MAPK10: variants seen among roughly 807,000 people sequenced by gnomAD.
MAPK10 encodes the protein mitogen-activated protein kinase 10.
In MAPK10, 25 loss-of-function variants were observed where a neutral mutation model predicts 59.3. The ratio of observed to expected loss-of-function variants is 0.42; its 90% confidence interval spans 0.31 to 0.59. The LOEUF is 0.59. Ranked by LOEUF, MAPK10 falls within the 20% of genes least tolerant of loss-of-function variation. The probability of loss-of-function intolerance (pLI) is 0.15; values close to 1 mark genes in which losing one functional copy is unlikely to be tolerated. For missense variants in MAPK10, 351 were observed against 568.9 expected (o/e 0.62, Z 3.90); for synonymous variants, 190 against 200.5 (o/e 0.95, Z 0.44).
intron 2 of MAPK10, among the ~76,000 whole-genome samples, chr4:86,331,538 TTC>T (rs2096154424): frequency 6.6e-6 from 1 of 152,046 alleles, no homozygotes; most frequent in South Asian, 2.1e-4. Context: ...AACCACATGT[TTC>T]TCTCTCTCAG....
At chr4:86,117,633 C>G (rs949686679) in intron 4 of MAPK10, 5 of 152,172 alleles carry the variant, frequency 3.3e-5, no homozygotes, top group Non-Finnish European at 7.3e-5. Flanking sequence ...ACTCTGGATC[C>G]AAGTAAGATC....
chr4:86,091,630 C>T (rs1196343787), intron 9 of MAPK10, among the ~76,000 whole-genome samples: 1 of 126,244 alleles, frequency 7.9e-6, no homozygotes, highest in Non-Finnish European at 1.6e-5. Context: ...AAATTAAATT[C>T]TGGTCTCTAT....
At chr4:86,417,105 T>C (rs140630829) in intron 1 of MAPK10, among the ~76,000 whole-genome samples, 15 of 152,384 alleles carry the variant, frequency 9.8e-5, no homozygotes, top group Non-Finnish European at 1.6e-4. Context: ...CTGGTACTCA[T>C]AGAATTAGTA....
intron 1 of MAPK10, among the ~76,000 whole-genome samples, chr4:86,420,885 C>T (rs547244775): frequency 6.6e-6 from 1 of 152,146 alleles, no homozygotes; most frequent in South Asian, 2.1e-4. Context: ...AGTATGAGAC[C>T]AGCCTGGCCA....
intron 1 of MAPK10, among the ~76,000 whole-genome samples, chr4:86,573,263 T>G (rs1350450766): frequency 6.6e-6 from 1 of 152,222 alleles, no homozygotes; most frequent in Non-Finnish European, 1.5e-5. Context: ...GGTTTCACAT[T>G]TTGATCTATG....
At chr4:86,509,852 G>A (rs1328389648) in intron 1 of MAPK10, among the ~76,000 whole-genome samples, 1 of 151,982 alleles carries the variant, frequency 6.6e-6, no homozygotes, top group African/African-American at 2.4e-5. Context: ...GTATTACTAT[G>A]CTTTACTATC....
chr4:86,183,246 G>C (rs552950751), intron 3 of MAPK10, among the ~76,000 whole-genome samples: 3 of 151,664 alleles, frequency 2.0e-5, no homozygotes, highest in Admixed American at 6.6e-5. Flanking sequence ...TCAGTAACTC[G>C]TCATTTAACA....
At chr4:86,524,330 T>G (rs1757317734) in intron 1 of MAPK10, among the ~76,000 whole-genome samples, 1 of 152,228 alleles carries the variant, frequency 6.6e-6, no homozygotes, top group African/African-American at 2.4e-5. Context: ...TGGATATCAT[T>G]TTTATGCAAT....
At chr4:86,272,320 C>A (rs759809632) in intron 2 of MAPK10, among the ~76,000 whole-genome samples, 1 of 151,930 alleles carries the variant, frequency 6.6e-6, no homozygotes, top group Non-Finnish European at 1.5e-5. Context: ...TGAGCAGAAC[C>A]CTTAAATGTT....
chr4:86,477,554 C>T (rs1374322712), intron 1 of MAPK10, among the ~76,000 whole-genome samples: 1 of 152,120 alleles, frequency 6.6e-6, no homozygotes, highest in Non-Finnish European at 1.5e-5. Flanking sequence ...CCTAATCACC[C>T]TTACCCTGCT....
intron 11 of MAPK10, among the ~76,000 whole-genome samples, chr4:86,035,936 G>A (rs899416694): frequency 1.3e-5 from 2 of 152,196 alleles, no homozygotes; most frequent in African/African-American, 4.8e-5. Flanking sequence ...TATGACAGTG[G>A]ATGAGGTCAC....
intron 2 of MAPK10, among the ~76,000 whole-genome samples, chr4:86,195,860 G>C (rs1302019604): frequency 6.6e-6 from 1 of 152,126 alleles, no homozygotes; most frequent in African/African-American, 2.4e-5. Context: ...GAGAATGATG[G>C]TTTCCAGCTT....
chr4:86,259,351 A>G (rs1379261998), intron 2 of MAPK10, among the ~76,000 whole-genome samples: 2 of 152,138 alleles, frequency 1.3e-5, no homozygotes, highest in African/African-American at 4.8e-5. Flanking sequence ...CCCACAGACA[A>G]CACAAACACA....
chr4:86,239,665 G>A (rs554684056), intron 2 of MAPK10, among the ~76,000 whole-genome samples: 12 of 151,734 alleles, frequency 7.9e-5, no homozygotes, highest in Admixed American at 3.3e-4. Context: ...TCTGTTGATA[G>A]TTTGTATTTC....
chr4:86,394,452 GAAAAT>G (rs1742652426), intron 1 of MAPK10, among the ~76,000 whole-genome samples: 2 of 151,972 alleles, frequency 1.3e-5, no homozygotes, highest in African/African-American at 4.8e-5. Context: ...TATATATCTT[GAAAAT>G]AAAATAATTA....
upstream of MAPK10, among the ~76,000 whole-genome samples, chr4:86,453,588 C>T (rs1410637894): frequency 4.9e-5 from 7 of 141,706 alleles, no homozygotes; most frequent in Non-Finnish European, 9.3e-5. Context: ...ACCCCACCCC[C>T]ACCACAGCAG....
At chr4:86,034,697 T>C (rs1161284380) in intron 11 of MAPK10, among the ~76,000 whole-genome samples, 1 of 152,092 alleles carries the variant, frequency 6.6e-6, no homozygotes, top group African/African-American at 2.4e-5. Context: ...TGATAAATGA[T>C]AGAAACCTGT....
intron 11 of MAPK10, among the ~76,000 whole-genome samples, chr4:86,042,283 T>C (rs188553340): frequency 6.6e-6 from 1 of 152,238 alleles, no homozygotes; most frequent in East Asian, 1.9e-4. Flanking sequence ...TGAGAACACA[T>C]GGACACAGGG....
intron 2 of MAPK10, among the ~76,000 whole-genome samples, chr4:86,250,908 T>A (rs1192060839): frequency 6.6e-6 from 1 of 152,170 alleles, no homozygotes; most frequent in Non-Finnish European, 1.5e-5. Flanking sequence ...GTTGTAACAG[T>A]TGAAATCATA....
Sources: allele counts gnomAD v4.1 joint callset (sites outside exome capture counted in the v4.1 genomes callset), GRCh38; gene constraint gnomAD v4.1.1; transcripts MANE v1.5; gene names NCBI Gene and HGNC (gene_info 2026-07-23, HGNC 2026-07-21).